Variants in MRTFB observed in about 807,000 individuals in gnomAD.
MRTFB encodes the protein myocardin related transcription factor B, also known as myocardin-related transcription factor B.
A neutral mutation model predicts 104.2 loss-of-function variants in MRTFB; 29 were observed. The observed-to-expected ratio is 0.28, with a 90% confidence interval of 0.21 to 0.38. The LOEUF is 0.38. Ranked by LOEUF, MRTFB falls within the 10% of genes least tolerant of loss-of-function variation. The pLI, the probability that MRTFB is intolerant of heterozygous loss-of-function variation, is 1.00. For missense variants in MRTFB, 1,270 were observed against 1,341.6 expected (o/e 0.95, Z 0.83); for synonymous variants, 535 against 519.5 (o/e 1.03, Z -0.41).
chr16:14,059,068 AT>A, the MRTFB span, among the ~76,000 whole-genome samples: 27 of 151,964 alleles, frequency 1.8e-4, no homozygotes, highest in African/African-American at 6.0e-4. Flanking sequence ...TTGACATAAT[AT>A]TTTTTCCTTT....
Position 14,261,415 on chromosome 16 carries a change from C to T in MRTFB, c.3271C>T (p.Pro1091Ser), listed in dbSNP as rs1168583648. 3.7e-6 allele frequency: 6 copies of T among 1,607,624 alleles called. No homozygotes were observed. The highest frequency in any genetic ancestry group is 5.1e-6 in the Non-Finnish European group (6 of 1,175,062). ...PSMFSADFLD[P>S]QDLPLPWD ...CATGTTCTCTGCTGACTTTCTAGAC[C>T]CACAGGACCTACCGCTGCCATGGGA... is the stretch of plus-strand genomic sequence containing the variant. Residue 1091 changes from proline to serine, a missense_variant, in exon 17 of 17, where the codon CCA becomes TCA. Pro to Ser is a moderately conservative substitution (Grantham distance 74). Around this residue, in one of 3 missense-constraint regions of MRTFB, gnomAD observed 1,144 missense variants for 1,131.5 expected, o/e 1.01. Coordinates refer to ENST00000571589, the MANE Select transcript of MRTFB (RefSeq NM_001308142.2).
chr16:14,159,527 A>G (rs1344570402), intron 3 of MRTFB, among the ~76,000 whole-genome samples: 4 of 152,224 alleles, frequency 2.6e-5, no homozygotes, highest in African/African-American at 7.2e-5. Flanking sequence ...AGTCAGTTGT[A>G]TCTTTTCTGT....
intron 3 of MRTFB, among the ~76,000 whole-genome samples, chr16:14,203,840 C>G (rs111443820): frequency 0.025 from 3,645 of 145,018 alleles, 168 homozygotes; most frequent in African/African-American, 0.087. Flanking sequence ...TTTCAACATT[C>G]TACTTACGGA....
intron 9 of MRTFB, among the ~76,000 whole-genome samples, chr16:14,239,910 T>C (rs1177447074): frequency 6.6e-6 from 1 of 152,226 alleles, no homozygotes; most frequent in African/African-American, 2.4e-5. Flanking sequence ...CAGCTTGTTT[T>C]TTACTAGGAG....
At chr16:14,122,390 C>T (rs372168644) in intron 2 of MRTFB, among the ~76,000 whole-genome samples, 9 of 152,072 alleles carry the variant, frequency 5.9e-5, no homozygotes, top group Middle Eastern at 3.4e-3. Context: ...ACCCATCAGC[C>T]GGTCACCTAC....
chr16:14,217,333 G>T (rs769625949), intron 7 of MRTFB, 46 bp downstream of exon 7: 1 of 1,507,566 alleles, frequency 6.6e-7, no homozygotes, highest in Non-Finnish European at 9.0e-7. Flanking sequence ...AGAGAAACTT[G>T]GAAATTTTAG....
intron 3 of MRTFB, among the ~76,000 whole-genome samples, chr16:14,159,175 C>G (rs2038937468): frequency 6.6e-6 from 1 of 152,044 alleles, no homozygotes; most frequent in Admixed American, 6.6e-5. Context: ...AAAACTCATT[C>G]TTCAGTGTTC....
chr16:14,059,997 A>ATTTTTTT, the MRTFB span, among the ~76,000 whole-genome samples: 20 of 99,720 alleles, frequency 2.0e-4, 2 homozygotes, highest in African/African-American at 8.8e-4. Context: ...GAGACATGTA[A>ATTTTTTT]TTTTTTTTTT....
At chr16:14,230,837 T>G (rs1309523541) in intron 8 of MRTFB, among the ~76,000 whole-genome samples, 1 of 151,624 alleles carries the variant, frequency 6.6e-6, no homozygotes, top group African/African-American at 2.4e-5. Context: ...TGCACACGTA[T>G]GTTTATTGAG....
At chr16:14,080,508 T>C (rs2034333320) in intron 2 of MRTFB, among the ~76,000 whole-genome samples, 1 of 152,202 alleles carries the variant, frequency 6.6e-6, no homozygotes, top group Non-Finnish European at 1.5e-5. Context: ...TTTACTCTCT[T>C]TGTATTTACT....
intron 3 of MRTFB, among the ~76,000 whole-genome samples, chr16:14,148,254 G>C (rs187961039): frequency 6.6e-6 from 1 of 152,224 alleles, no homozygotes; most frequent in Admixed American, 6.5e-5. Context: ...TCCTCTGCTG[G>C]GCTGAGAGAC....
In MRTFB at chr16:14,217,192, A is replaced by G; in HGVS notation, c.419A>G (p.Asp140Gly). The change falls in exon 7 of 17, where the codon GAT becomes GGT. Residue 140 changes from aspartate (D) to glycine (G), a missense_variant. Around this residue, in one of 3 missense-constraint regions of MRTFB, gnomAD observed 64 missense variants for 152.9 expected, o/e 0.42. Transcript: ENST00000571589. Reference protein sequence around the residue: ...MKLKRARLADDLNEKIAQRPG... With the variant: ...MKLKRARLADGLNEKIAQRPG... ...TTGAAAAGAGCTCGACTAGCAGATG[A>G]TCTGAATGAAAAGATTGCTCAAAGA... is the stretch of plus-strand genomic sequence containing the variant. 1 of 1,613,964 alleles carries G rather than the reference A, an allele frequency of 6.2e-7. No individual in the cohort carries two copies. The highest frequency in any genetic ancestry group is 8.5e-7 in the Non-Finnish European group (1 of 1,179,900).
chr16:14,018,096 A>C, the MRTFB span, among the ~76,000 whole-genome samples: 1 of 152,012 alleles, frequency 6.6e-6, no homozygotes, highest in Non-Finnish European at 1.5e-5. Flanking sequence ...ACATATATGG[A>C]ATTTCAGGAT....
intron 5 of MRTFB, among the ~76,000 whole-genome samples, chr16:14,212,748 A>G (rs1010630258): frequency 6.6e-6 from 1 of 152,192 alleles, no homozygotes; most frequent in Admixed American, 6.5e-5. Context: ...CCCTACAGAG[A>G]GACAGCCAAG....
chr16:14,083,383 T>C (rs2034520297), intron 2 of MRTFB, among the ~76,000 whole-genome samples: 1 of 152,150 alleles, frequency 6.6e-6, no homozygotes, highest in South Asian at 2.1e-4. Flanking sequence ...CCAAGCCTGC[T>C]GTAGTTGGCT....
chr16:14,136,131 C>T (rs1016935716), intron 2 of MRTFB, among the ~76,000 whole-genome samples: 2 of 151,814 alleles, frequency 1.3e-5, no homozygotes, highest in East Asian at 1.9e-4. Context: ...AATAATTAGC[C>T]GGGCGTGGTG....
the MRTFB span, among the ~76,000 whole-genome samples, chr16:14,035,493 A>G: frequency 6.6e-6 from 1 of 152,220 alleles, no homozygotes; most frequent in Non-Finnish European, 1.5e-5. Context: ...TGGCAGTCAT[A>G]AAACTCAGAC....
the MRTFB span, among the ~76,000 whole-genome samples, chr16:14,026,526 C>T: frequency 1.3e-5 from 2 of 151,930 alleles, no homozygotes; most frequent in Non-Finnish European, 2.9e-5. Flanking sequence ...AAGCACAATC[C>T]GTAAAGAAAA....
At chr16:14,160,870 T>G (rs370834668) in intron 3 of MRTFB, among the ~76,000 whole-genome samples, 1 of 152,196 alleles carries the variant, frequency 6.6e-6, no homozygotes, top group South Asian at 2.1e-4. Context: ...CCCCCTTAAT[T>G]TTTTAGTACT....
Sources: gnomAD v4.1 joint callset for allele counts (sites outside exome capture counted in the v4.1 genomes callset) on GRCh38, gnomAD v4.1.1 for gene constraint, gnomAD v4.1.1 regional missense constraint, MANE v1.5 for transcripts, NCBI Gene and HGNC (gene_info 2026-07-23, HGNC 2026-07-21) for gene names.